LRP1B: variants seen among roughly 807,000 people sequenced by gnomAD.
The protein encoded by LRP1B is LDL receptor related protein 1B, also known as low-density lipoprotein receptor-related protein 1B.
LRP1B carries 217 observed loss-of-function variants against 556.6 expected under a neutral mutation model. The ratio of observed to expected loss-of-function variants is 0.39; its 90% CI spans 0.35 to 0.44. LRP1B has a LOEUF of 0.44. LRP1B is among the 20% of genes least tolerant of loss of function. The pLI is 1.00. For missense variants in LRP1B, 5,053 were observed against 5,620.8 expected (o/e 0.90, Z 3.23); for synonymous variants, 2,047 against 1,865.8 (o/e 1.10, Z -2.50).
intron 60 of LRP1B, among the ~76,000 whole-genome samples, chr2:140,470,005 G>T (rs1558904207): frequency 6.6e-6 from 1 of 152,138 alleles, no homozygotes. Context: ...AAATCAGTAG[G>T]CTTCTAATAA....
chr2:142,129,576 TTCTCTCTTTCTCTCTCTCTCTC>T (rs1273389266), intron 1 of LRP1B, among the ~76,000 whole-genome samples: 2 of 111,056 alleles, frequency 1.8e-5, no homozygotes, highest in Admixed American at 1.9e-4. Flanking sequence ...CTGGGTTTCT[TTCTCTCTTTCTCTCTCTCTCTC>T]TCTCTCTCTC....
At chr2:140,254,989 T>C (rs890461557) in intron 86 of LRP1B, among the ~76,000 whole-genome samples, 1 of 152,132 alleles carries the variant, frequency 6.6e-6, no homozygotes, top group Non-Finnish European at 1.5e-5. Context: ...GAAACTACAC[T>C]CTCAAAATAT....
intron 2 of LRP1B, among the ~76,000 whole-genome samples, chr2:141,803,258 A>G (rs1488293733): frequency 6.7e-6 from 1 of 150,364 alleles, no homozygotes; most frequent in African/African-American, 2.5e-5. Flanking sequence ...TCAGAGACCC[A>G]TTAGTGCATT....
intron 2 of LRP1B, among the ~76,000 whole-genome samples, chr2:141,593,242 C>A (rs892103649): frequency 6.6e-6 from 1 of 152,036 alleles, no homozygotes; most frequent in South Asian, 2.1e-4. Context: ...AACCTGGACC[C>A]ATGAAAGATA....
chr2:140,485,626 G>T, intron 58 of LRP1B, 102 bp from the exon 59 acceptor site: 3 of 779,602 alleles, frequency 3.8e-6, no homozygotes, highest in African/African-American at 1.8e-5. Context: ...CCATTTAAAT[G>T]TAAAGAATGG....
chr2:140,446,328 G>C (rs1686658934), intron 63 of LRP1B, among the ~76,000 whole-genome samples: 1 of 152,114 alleles, frequency 6.6e-6, no homozygotes, highest in Non-Finnish European at 1.5e-5. Context: ...ATAATCTTAA[G>C]TGTATTAGAG....
At chr2:141,673,836 T>A (rs76286023) in intron 2 of LRP1B, among the ~76,000 whole-genome samples, 1,757 of 152,206 alleles carry the variant, frequency 0.012, 44 homozygotes, top group African/African-American at 0.04. Flanking sequence ...TGATTTTTTT[T>A]AAAATTTTTA....
At chr2:141,044,725 A>C (rs1281954933) in intron 11 of LRP1B, among the ~76,000 whole-genome samples, 1 of 150,386 alleles carries the variant, frequency 6.6e-6, no homozygotes, top group African/African-American at 2.4e-5. Context: ...ATGAGATACC[A>C]TCTCACACCA....
intron 60 of LRP1B, among the ~76,000 whole-genome samples, chr2:140,466,027 T>C (rs1407093574): frequency 1.3e-5 from 2 of 151,688 alleles, no homozygotes; most frequent in Non-Finnish European, 2.9e-5. Flanking sequence ...AGTACTAAAA[T>C]GCAATATCTT....
intron 1 of LRP1B, among the ~76,000 whole-genome samples, chr2:142,023,482 A>G (rs891943045): frequency 1.3e-5 from 2 of 152,196 alleles, no homozygotes; most frequent in African/African-American, 4.8e-5. Context: ...AAGGTTACCA[A>G]GAGCACACAC....
intron 59 of LRP1B, among the ~76,000 whole-genome samples, chr2:140,483,589 T>C (rs11903796): frequency 0.017 from 2,319 of 136,442 alleles, 62 homozygotes; most frequent in African/African-American, 0.06. Context: ...TACACACACA[T>C]ATATATAGAC....
At chr2:141,219,267 T>C (rs1343804522) in intron 6 of LRP1B, among the ~76,000 whole-genome samples, 1 of 152,188 alleles carries the variant, frequency 6.6e-6, no homozygotes, top group Non-Finnish European at 1.5e-5. Flanking sequence ...CTGCTGGTGT[T>C]GGGGAGATCG....
At chr2:141,000,832 TG>T (rs1697397905) in intron 15 of LRP1B, among the ~76,000 whole-genome samples, 1 of 152,038 alleles carries the variant, frequency 6.6e-6, no homozygotes, top group Admixed American at 6.6e-5. Flanking sequence ...ACTTTCATAT[TG>T]ATAGTGTTTT....
intron 41 of LRP1B, among the ~76,000 whole-genome samples, chr2:140,608,413 T>C (rs2105218026): frequency 6.6e-6 from 1 of 152,298 alleles, no homozygotes; most frequent in Middle Eastern, 3.4e-3. Flanking sequence ...TAATGCTACT[T>C]TTCGTGATCG....
chr2:141,639,122 T>C (rs1689213668), intron 2 of LRP1B, among the ~76,000 whole-genome samples: 1 of 132,378 alleles, frequency 7.6e-6, no homozygotes. Context: ...CAAGCCATTG[T>C]CAGTCGAGGC....
intron 66 of LRP1B, among the ~76,000 whole-genome samples, chr2:140,422,645 G>T (rs145139705): frequency 1.3e-5 from 2 of 152,224 alleles, no homozygotes; most frequent in African/African-American, 4.8e-5. Context: ...GATAACGTTA[G>T]GTTATTTAAA....
intron 2 of LRP1B, among the ~76,000 whole-genome samples, chr2:141,512,582 C>G (rs1038346): frequency 3.9e-5 from 6 of 152,138 alleles, no homozygotes; most frequent in Non-Finnish European, 1.5e-5. Flanking sequence ...GCACACCTGT[C>G]AGACACAAAC....
chr2:141,182,200 A>G (rs1161141534), intron 7 of LRP1B, among the ~76,000 whole-genome samples: 1 of 152,046 alleles, frequency 6.6e-6, no homozygotes, highest in African/African-American at 2.4e-5. Flanking sequence ...AGGAATTGGG[A>G]TACATAAAAA....
chr2:141,151,787 T>C (rs1701933240), intron 7 of LRP1B, among the ~76,000 whole-genome samples: 1 of 152,088 alleles, frequency 6.6e-6, no homozygotes, highest in African/African-American at 2.4e-5. Flanking sequence ...AACTAAGTTG[T>C]TTCCATTTCT....
Sources: gnomAD v4.1 joint callset for allele counts (sites outside exome capture counted in the v4.1 genomes callset) on GRCh38, gnomAD v4.1.1 for gene constraint, MANE v1.5 for transcripts, NCBI Gene and HGNC (gene_info 2026-07-23, HGNC 2026-07-21) for gene names.